FRYL: variants seen among roughly 807,000 people sequenced by gnomAD.
FRYL encodes protein furry homolog-like.
FRYL carries 150 observed loss-of-function variants against 351.2 expected under a neutral mutation model. The ratio of observed to expected loss-of-function variants is 0.43; its 90% CI spans 0.37 to 0.49. The LOEUF is 0.49. Ranked by LOEUF, FRYL falls within the 20% of genes least tolerant of loss-of-function variation. The pLI, the probability that FRYL is intolerant of heterozygous loss-of-function variation, is 0.00. For synonymous variants in FRYL, 1,153 were observed against 1,257.1 expected (o/e 0.92, Z 1.75); for missense variants, 3,036 against 3,619.3 (o/e 0.84, Z 4.13).
At chr4:48,694,428 C>G (rs1055226398) in intron 2 of FRYL, among the ~76,000 whole-genome samples, 7 of 151,928 alleles carry the variant, frequency 4.6e-5, no homozygotes, top group African/African-American at 1.7e-4. Context: ...ACCTGAGTAG[C>G]TGGGATTACA....
At chr4:48,712,609 G>C (rs2149593798) in intron 1 of FRYL, among the ~76,000 whole-genome samples, 1 of 152,346 alleles carries the variant, frequency 6.6e-6, no homozygotes, top group Non-Finnish European at 1.5e-5. Context: ...ACCTGAAAGT[G>C]ATGGGGAGAA....
At chr4:48,692,438 G>A (rs1765761295) in intron 2 of FRYL, among the ~76,000 whole-genome samples, 1 of 151,864 alleles carries the variant, frequency 6.6e-6, no homozygotes, top group Admixed American at 6.6e-5. Context: ...TGCCGCCCAG[G>A]CTGGAGTGCA....
At chr4:48,536,250 T>G (rs1468636528) in intron 47 of FRYL, among the ~76,000 whole-genome samples, 3 of 152,198 alleles carry the variant, frequency 2.0e-5, no homozygotes, top group Non-Finnish European at 4.4e-5. Flanking sequence ...AGGAAATGCT[T>G]CAGCCTCCAG....
intron 1 of FRYL, among the ~76,000 whole-genome samples, chr4:48,745,099 G>A (rs1282788876): frequency 2.6e-5 from 4 of 152,150 alleles, no homozygotes; most frequent in Non-Finnish European, 5.9e-5. Context: ...TTTTAATCAG[G>A]GGAGCAAAAT....
intron 3 of FRYL, among the ~76,000 whole-genome samples, chr4:48,650,717 G>A (rs1757444299): frequency 1.3e-5 from 2 of 152,160 alleles, no homozygotes; most frequent in African/African-American, 2.4e-5. Context: ...AATCTGTGAG[G>A]TAAGGAAGGG....
intron 5 of FRYL, 33 bp from the exon 6 acceptor site, chr4:48,620,811 TG>T: frequency 1.3e-6 from 2 of 1,587,136 alleles, no homozygotes; most frequent in South Asian, 2.2e-5. Flanking sequence ...GAAAATAAAT[TG>T]TAACACTGAA....
intron 2 of FRYL, among the ~76,000 whole-genome samples, chr4:48,701,877 C>T (rs1337967677): frequency 6.6e-6 from 1 of 152,258 alleles, no homozygotes; most frequent in African/African-American, 2.4e-5. Flanking sequence ...GTCATAAGAA[C>T]TCTAATATCG....
intron 1 of FRYL, among the ~76,000 whole-genome samples, chr4:48,721,499 A>C (rs1354521694): frequency 6.6e-6 from 1 of 152,136 alleles, no homozygotes; most frequent in African/African-American, 2.4e-5. Context: ...CATCTCTATA[A>C]GAAGTAAAAT....
At chr4:48,668,889 A>T (rs1762201456) in intron 3 of FRYL, among the ~76,000 whole-genome samples, 1 of 152,198 alleles carries the variant, frequency 6.6e-6, no homozygotes, top group African/African-American at 2.4e-5. Flanking sequence ...TAACCCTTGG[A>T]CTGAATATTG....
At chr4:48,601,482 A>G (rs1351784593) in intron 13 of FRYL, among the ~76,000 whole-genome samples, 1 of 152,206 alleles carries the variant, frequency 6.6e-6, no homozygotes, top group Non-Finnish European at 1.5e-5. Flanking sequence ...GAGGCTGAAT[A>G]TGGATGTGCC....
chr4:48,596,072 C>G (rs1478987853), intron 13 of FRYL, 72 bp from the exon 14 acceptor site: 9 of 1,004,110 alleles, frequency 9.0e-6, no homozygotes, highest in Non-Finnish European at 1.3e-5. Flanking sequence ...TATTCTCTGT[C>G]AACAACTAAA....
At chr4:48,628,866 C>G (rs1752404634) in intron 4 of FRYL, among the ~76,000 whole-genome samples, 1 of 151,580 alleles carries the variant, frequency 6.6e-6, no homozygotes, top group African/African-American at 2.4e-5. Context: ...TTAAAGGTGG[C>G]AGGTGCTACA....
intron 4 of FRYL, among the ~76,000 whole-genome samples, chr4:48,631,846 G>C (rs1055988801): frequency 2.6e-5 from 4 of 151,026 alleles, no homozygotes; most frequent in Non-Finnish European, 4.4e-5. Context: ...TGAATCACTT[G>C]AGCCCAGGAG....
chr4:48,626,921 T>C (rs1376887110), intron 4 of FRYL, among the ~76,000 whole-genome samples: 1 of 152,148 alleles, frequency 6.6e-6, no homozygotes, highest in Non-Finnish European at 1.5e-5. Flanking sequence ...TTACCTTTAC[T>C]TTCTTAATAA....
At chr4:48,664,511 G>A (rs1030835993) in intron 3 of FRYL, among the ~76,000 whole-genome samples, 1 of 152,078 alleles carries the variant, frequency 6.6e-6, no homozygotes, top group African/African-American at 2.4e-5. Context: ...ATATTCAAAG[G>A]TGACCCCCAG....
At chr4:48,681,614 A>G (rs1764618819) in intron 3 of FRYL, among the ~76,000 whole-genome samples, 1 of 152,206 alleles carries the variant, frequency 6.6e-6, no homozygotes. Flanking sequence ...GTCAACTTTT[A>G]TAAAACATGA....
chr4:48,717,332 G>A (rs1341691806), intron 1 of FRYL, among the ~76,000 whole-genome samples: 6 of 151,432 alleles, frequency 4.0e-5, no homozygotes, highest in East Asian at 1.9e-4. Context: ...AAAAGGCCAC[G>A]TAGTATATGA....
chr4:48,728,485 C>T (rs977418591), intron 1 of FRYL, among the ~76,000 whole-genome samples: 4 of 151,858 alleles, frequency 2.6e-5, no homozygotes, highest in Admixed American at 2.0e-4. Context: ...CTGAGAATTT[C>T]CCCCAAATTA....
rs767102914 is a variant in FRYL at position 48,590,797 on chromosome 4, T to C, written c.1369A>G (p.Ile457Val). 4 of 1,613,590 alleles carry C rather than the reference T, an allele frequency of 2.5e-6. No homozygotes were observed. The highest frequency in any genetic ancestry group is 1.6e-4 in the Middle Eastern group (1 of 6,084). The change falls in exon 17 of 64, where the codon ATA (isoleucine) becomes GTA (valine). Residue 457 changes from isoleucine to valine, a missense_variant. Ile to Val is a conservative substitution (Grantham distance 29). Around this residue, in one of 7 missense-constraint regions of FRYL, gnomAD observed 457 missense variants for 566.6 expected, o/e 0.81. Transcript: ENST00000358350. ...MNIGLRVFLV[I>V]ADSLQQKDGE... ...TCTTTCTGCTGCAAACTGTCTGCTATTACAAGGAAGACTCTGAGACCTATG... is the reference window on the plus strand; with the variant it reads ...TCTTTCTGCTGCAAACTGTCTGCTACTACAAGGAAGACTCTGAGACCTATG...
Sources: gnomAD v4.1 joint callset for allele counts (sites outside exome capture counted in the v4.1 genomes callset) on GRCh38, gnomAD v4.1.1 for gene constraint, gnomAD v4.1.1 regional missense constraint, MANE v1.5 for transcripts, NCBI Gene and HGNC (gene_info 2026-07-23, HGNC 2026-07-21) for gene names.